SYNPR: variants seen among roughly 807,000 people sequenced by gnomAD.
SYNPR encodes the protein synaptoporin.
A neutral mutation model predicts 32.9 loss-of-function variants in SYNPR; 23 were observed. The ratio of observed to expected loss-of-function variants is 0.70; its 90% confidence interval spans 0.50 to 0.99. SYNPR has a LOEUF of 0.99. Ranked by LOEUF, SYNPR falls within the 50% of genes least tolerant of loss-of-function variation. The pLI, the probability that SYNPR is intolerant of heterozygous loss-of-function variation, is 0.00. For synonymous variants in SYNPR, 146 were observed against 135.9 expected (o/e 1.07, Z -0.52); for missense variants, 318 against 349.3 (o/e 0.91, Z 0.71).
At chr3:63,584,115 A>G (rs1703141544) in intron 4 of SYNPR, among the ~76,000 whole-genome samples, 1 of 152,030 alleles carries the variant, frequency 6.6e-6, no homozygotes, top group Non-Finnish European at 1.5e-5. Context: ...CATTTCCTTT[A>G]GCAATGAGAT....
upstream of SYNPR, among the ~76,000 whole-genome samples, chr3:63,276,188 ACTT>A (rs1238532600): frequency 6.6e-6 from 1 of 152,070 alleles, no homozygotes; most frequent in East Asian, 1.9e-4. Context: ...GGTTCTTAAA[ACTT>A]CTGCCCAGAA....
chr3:63,580,404 G>A (rs1483439406), intron 4 of SYNPR, among the ~76,000 whole-genome samples: 1 of 152,132 alleles, frequency 6.6e-6, no homozygotes, highest in African/African-American at 2.4e-5. Context: ...CATGACCTGT[G>A]GGGAGTTAAA....
At chr3:63,469,023 T>C (rs1436566069) in intron 2 of SYNPR, among the ~76,000 whole-genome samples, 2 of 152,176 alleles carry the variant, frequency 1.3e-5, no homozygotes, top group Admixed American at 6.5e-5. Flanking sequence ...AATAACCCTA[T>C]GGTATTCTAA....
chr3:63,365,772 C>T (rs867745730), intron 2 of SYNPR, among the ~76,000 whole-genome samples: 1 of 152,180 alleles, frequency 6.6e-6, no homozygotes, highest in African/African-American at 2.4e-5. Context: ...CGTATGTGCA[C>T]GTGTGTGTGT....
intron 4 of SYNPR, among the ~76,000 whole-genome samples, chr3:63,598,996 CCATTACATAG>C (rs529433533): frequency 1.6e-4 from 25 of 152,164 alleles, no homozygotes; most frequent in Non-Finnish European, 2.9e-4. Flanking sequence ...CTCAGGCAGA[CCATTACATAG>C]CATTAAATAA....
At position 63,232,482 on chromosome 3, in the gene SYNPR, C is replaced by T. The variant is rs570134837; in HGVS notation, n.66+4102C>T. Among the ~76,000 whole-genome samples, 8 of 152,228 alleles carry T rather than the reference C, an allele frequency of 5.3e-5. No individual in the cohort carries two copies. In the South Asian group the frequency reaches 1.0e-3, roughly 20 times the overall value. ...CCTCCCAAAGTGCTGGGATTACTGG[C>T]GTGAGCCACACCGTGCCCTGCCCCA... On this transcript the variant is annotated intron_variant and non_coding_transcript_variant, in intron 1 of 4. Coordinates refer to the SYNPR transcript ENST00000478456.
chr3:63,491,850 G>C (rs1264589759), intron 3 of SYNPR, among the ~76,000 whole-genome samples: 1 of 152,128 alleles, frequency 6.6e-6, no homozygotes, highest in Non-Finnish European at 1.5e-5. Flanking sequence ...TGCTACATAA[G>C]TACTTACAAA....
At chr3:63,277,305 C>G (rs545167526), upstream of SYNPR, among the ~76,000 whole-genome samples, 1 of 152,202 alleles carries the variant, frequency 6.6e-6, no homozygotes, top group East Asian at 1.9e-4. Context: ...TTGTAAAGCC[C>G]TTAGCACAGT....
chr3:63,233,001 T>C (rs371967601), intron 1 of SYNPR, among the ~76,000 whole-genome samples: 1 of 152,218 alleles, frequency 6.6e-6, no homozygotes, highest in Non-Finnish European at 1.5e-5. Flanking sequence ...TAGAACTTAC[T>C]TTACTAATTT....
intron 2 of SYNPR, among the ~76,000 whole-genome samples, chr3:63,330,495 GT>G (rs1300160405): frequency 3.3e-5 from 5 of 151,990 alleles, no homozygotes; most frequent in African/African-American, 1.2e-4. Context: ...GCAGCCACGG[GT>G]TCAAGTTTAA....
chr3:63,503,123 G>A (rs1194112345), intron 3 of SYNPR, among the ~76,000 whole-genome samples: 1 of 151,990 alleles, frequency 6.6e-6, no homozygotes, highest in African/African-American at 2.4e-5. Context: ...TCAGTGTTCT[G>A]GATTTTTGCC....
At chr3:63,612,551 T>C (rs1312340621) in intron 5 of SYNPR, among the ~76,000 whole-genome samples, 1 of 152,188 alleles carries the variant, frequency 6.6e-6, no homozygotes, top group African/African-American at 2.4e-5. Flanking sequence ...TGTCCCCAAG[T>C]CTGAGCTTGA....
At chr3:63,538,335 G>A (rs1010887105) in intron 3 of SYNPR, among the ~76,000 whole-genome samples, 7 of 151,810 alleles carry the variant, frequency 4.6e-5, no homozygotes, top group Admixed American at 6.6e-5. Flanking sequence ...ATGTAATGGT[G>A]AGAATACGTT....
intron 1 of SYNPR, among the ~76,000 whole-genome samples, chr3:63,232,192 CTTTTTTTTT>C (rs57078088): frequency 3.4e-4 from 20 of 59,534 alleles, no homozygotes; most frequent in African/African-American, 7.4e-4. Flanking sequence ...CAGATTCTGA[CTTTTTTTTT>C]TTTTTTTTTT....
At chr3:63,258,529 C>G (rs531542820) in intron 2 of SYNPR, among the ~76,000 whole-genome samples, 6 of 152,220 alleles carry the variant, frequency 3.9e-5, no homozygotes, top group African/African-American at 1.4e-4. Context: ...CGAATGAGAA[C>G]AAAGACACAA....
chr3:63,260,275 C>A (rs1575578898), intron 2 of SYNPR, among the ~76,000 whole-genome samples: 1 of 152,102 alleles, frequency 6.6e-6, no homozygotes, highest in African/African-American at 2.4e-5. Flanking sequence ...CAATCCTAAG[C>A]CAAAAGAACA....
intron 2 of SYNPR, among the ~76,000 whole-genome samples, chr3:63,388,991 T>G (rs2088094590): frequency 6.6e-6 from 1 of 152,180 alleles, no homozygotes. Context: ...GGACTCTGCA[T>G]AAGGAGATTT....
chr3:63,524,288 A>G (rs6775133), intron 3 of SYNPR, among the ~76,000 whole-genome samples: 35,096 of 152,014 alleles, frequency 0.23, 4,114 homozygotes, highest in East Asian at 0.32. Context: ...ACTGTACTCA[A>G]TGATGTCTAC....
At chr3:63,371,365 G>T (rs2087810280) in intron 2 of SYNPR, among the ~76,000 whole-genome samples, 1 of 152,088 alleles carries the variant, frequency 6.6e-6, no homozygotes, top group South Asian at 2.1e-4. Context: ...TGCAGCTCTG[G>T]CAGTGGGGGA....
Sources: allele counts gnomAD v4.1 joint callset (sites outside exome capture counted in the v4.1 genomes callset), GRCh38; gene constraint gnomAD v4.1.1; transcripts MANE v1.5; gene names NCBI Gene and HGNC (gene_info 2026-07-23, HGNC 2026-07-21).